The following DNMBP variants were observed in gnomAD, a reference collection of about 807,000 sequenced individuals.
DNMBP encodes the protein dynamin binding protein.
A neutral mutation model predicts 150.0 loss-of-function variants in DNMBP; 87 were observed. That is an observed-to-expected ratio of 0.58 (90% CI 0.49 to 0.69). The LOEUF (loss-of-function observed/expected upper bound fraction) is 0.69. DNMBP is among the 30% of genes least tolerant of loss of function. The pLI is 0.00. For synonymous variants in DNMBP, 711 were observed against 750.4 expected (o/e 0.95, Z 0.86); for missense variants, 1,774 against 1,949.0 (o/e 0.91, Z 1.69).
chr10:99,958,820 AAG>A (rs2040528403), intron 3 of DNMBP, among the ~76,000 whole-genome samples: 1 of 152,230 alleles, frequency 6.6e-6, no homozygotes, highest in African/African-American at 2.4e-5. Context: ...CTCCAAAAGC[AAG>A]ATAGATTAAT....
In DNMBP at chr10:99,974,268, C is replaced by T. The variant is rs555950693; in HGVS notation, c.-10-2134G>A. 4.9e-4 allele frequency among the ~76,000 whole-genome samples: 75 copies of T among 152,302 alleles called. 2 individuals are homozygous for T. The highest frequency in any genetic ancestry group is 1.6e-3 in the African/African-American group (66 of 41,578). On this transcript the variant is annotated intron_variant, in intron 1 of 16. Transcript: ENST00000324109. ...TTCACAGAAGTCAGTGGCCCAACCC[C>T]GGGGAGTATCCTTGTACTGTTACGG...
intron 4 of DNMBP, among the ~76,000 whole-genome samples, chr10:99,912,938 TGTAA>T (rs1486596343): frequency 6.6e-6 from 1 of 152,204 alleles, no homozygotes; most frequent in African/African-American, 2.4e-5. Context: ...TTGAAATGAC[TGTAA>T]GTATAAAAAC....
chr10:99,880,396 T>C, intron 15 of DNMBP, 35 bp from the exon 16 acceptor site: 1 of 1,512,708 alleles, frequency 6.6e-7, no homozygotes, highest in East Asian at 2.3e-5. Flanking sequence ...ACAAGAACTC[T>C]TAGCAGAAGG....
At chr10:99,889,090 C>G (rs747831767) in intron 11 of DNMBP, 137 bp from the exon 12 acceptor site, 2 of 977,560 alleles carry the variant, frequency 2.0e-6, no homozygotes, top group Non-Finnish European at 3.0e-6. Flanking sequence ...GGTATTTTAG[C>G]TTTGAAATAA....
At chr10:99,994,902 G>C (rs1233905284) in intron 1 of DNMBP, among the ~76,000 whole-genome samples, 3 of 152,038 alleles carry the variant, frequency 2.0e-5, no homozygotes, top group African/African-American at 7.2e-5. Flanking sequence ...CACCCAACTA[G>C]GATTATCTTC....
At chr10:99,970,921 G>A (rs10883431) in intron 2 of DNMBP, among the ~76,000 whole-genome samples, 9,386 of 124,024 alleles carry the variant, frequency 0.076, 417 homozygotes, top group African/African-American at 0.14. Context: ...GCAGTGAGCC[G>A]AGATCATGCC....
intron 4 of DNMBP, among the ~76,000 whole-genome samples, chr10:99,938,709 T>C (rs185435370): frequency 9.9e-5 from 15 of 152,240 alleles, no homozygotes; most frequent in African/African-American, 3.6e-4. Flanking sequence ...CACACTACTA[T>C]GACTCAGATC....
chr10:99,878,593 T>G (rs2039311522), intron 16 of DNMBP, among the ~76,000 whole-genome samples: 1 of 152,090 alleles, frequency 6.6e-6, no homozygotes, highest in Non-Finnish European at 1.5e-5. Context: ...AAGCCTGAAC[T>G]GAGAAAGTGG....
intron 4 of DNMBP, chr10:99,930,129 G>A (rs1403196644): frequency 2.8e-6 from 2 of 702,768 alleles, no homozygotes; most frequent in African/African-American, 3.5e-5. Flanking sequence ...CTGACCATCA[G>A]GATAACTCCC....
chr10:99,955,297 G>A lies in DNMBP; in HGVS notation c.2177C>T (p.Ser726Leu). Residue 726 changes from serine to leucine, a missense_variant, in exon 4 of 17, where the codon TCA (serine) becomes TTA (leucine). Ser to Leu is a moderately radical substitution (Grantham distance 145). Transcript: ENST00000324109. The stretch of plus-strand genomic sequence containing the variant: ...ATCCTCGAGGGTCTCTGCTCTTGAT[G>A]ATTCATCCTGCTTCTCCTCCAGCAT... ...NLMLEEKQDE[S>L]SRAETLEDLK... is the part of the protein sequence containing the mutation. The A allele has an allele frequency of 6.2e-7, 1 of 1,614,130 alleles. No homozygotes were observed. Among genetic ancestry groups the A allele is most frequent in the Non-Finnish European group, 8.5e-7 (1 of 1,180,018 alleles).
rs200597908 is a variant in DNMBP at position 99,964,491 on chromosome 10, G to GTT, written c.268+4622_268+4623dup. ...CCACCCCCCACCTTTCTTTTCTCCT[G>GTT]TTTTTGTTTTTTTTTTAGGATAGTC... On this transcript the variant is annotated intron_variant, in intron 3 of 16. Transcript: ENST00000324109. 2.4e-3 allele frequency among the ~76,000 whole-genome samples: 353 copies of GTT among 146,416 alleles called. 2 individuals are homozygous for GTT. Among genetic ancestry groups the GTT allele is most frequent in the African/African-American group, 7.2e-3 (284 of 39,308 alleles).
intron 12 of DNMBP, among the ~76,000 whole-genome samples, chr10:99,887,210 C>T (rs1405698758): frequency 6.6e-6 from 1 of 151,936 alleles, no homozygotes. Context: ...GAGTCAGCCA[C>T]CGCACACAGC....
chr10:99,921,864 GAAAAAAAAAAAAA>G lies in DNMBP; in HGVS notation c.2261-12731_2261-12719del, dbSNP rs34344466. ...TGGGCAACAGAGTGAGATTCCATCTGAAAAAAAAAAAAAAAAAAAAAAAAAAGCAGCAACTAGT... is the reference window on the plus strand; with the variant it reads ...TGGGCAACAGAGTGAGATTCCATCTGAAAAAAAAAAAAAGCAGCAACTAGT... On this transcript the variant is annotated intron_variant, in intron 4 of 16. Transcript: ENST00000324109. Among the ~76,000 whole-genome samples the G allele has an allele frequency of 5.1e-4, 12 of 23,752 alleles. No homozygotes were observed. The East Asian group carries it at 0.017, about 33-fold the overall frequency. The allele number at this position is 23,752 out of a possible 152,430, so 15.6% of individuals were successfully genotyped here. A position where few individuals can be genotyped will look rare whatever the true frequency, so the allele number is the denominator to read the frequency against.
chr10:99,892,170 TG>T (rs1369688547), intron 11 of DNMBP, among the ~76,000 whole-genome samples: 2 of 125,878 alleles, frequency 1.6e-5, no homozygotes, highest in African/African-American at 6.8e-5. Flanking sequence ...AGGAGGGAGG[TG>T]GGGGGGTCAG....
At chr10:99,980,370 C>A (rs1312499552) in intron 1 of DNMBP, among the ~76,000 whole-genome samples, 6 of 151,760 alleles carry the variant, frequency 4.0e-5, no homozygotes, top group African/African-American at 1.5e-4. Context: ...TCGTTTGAAC[C>A]CAGAAGGCAG....
intron 1 of DNMBP, among the ~76,000 whole-genome samples, chr10:99,995,337 G>A (rs994172370): frequency 6.6e-6 from 1 of 151,942 alleles, no homozygotes; most frequent in South Asian, 2.1e-4. Flanking sequence ...GCATGATCAC[G>A]GCACCTGGCA....
chr10:99,997,610 G>A (rs372907790), intron 1 of DNMBP, among the ~76,000 whole-genome samples: 12 of 152,016 alleles, frequency 7.9e-5, no homozygotes, highest in African/African-American at 2.9e-4. Context: ...GAGAATAAAC[G>A]ACCAGTTTCT....
intron 6 of DNMBP, among the ~76,000 whole-genome samples, chr10:99,901,352 C>A (rs920903994): frequency 6.6e-6 from 1 of 152,170 alleles, no homozygotes; most frequent in Non-Finnish European, 1.5e-5. Context: ...TTGAGGGTTA[C>A]TGAAATTTCA....
intron 1 of DNMBP, among the ~76,000 whole-genome samples, chr10:99,979,128 C>T (rs1323949880): frequency 6.6e-6 from 1 of 152,178 alleles, no homozygotes; most frequent in Non-Finnish European, 1.5e-5. Flanking sequence ...TCAACCAAAG[C>T]CCTATGCAAA....
Sources: allele counts gnomAD v4.1 joint callset (sites outside exome capture counted in the v4.1 genomes callset), GRCh38; gene constraint gnomAD v4.1.1; transcripts MANE v1.5; gene names NCBI Gene and HGNC (gene_info 2026-07-23, HGNC 2026-07-21).